ZC4H2: variants seen among roughly 807,000 people sequenced by gnomAD.
ZC4H2 encodes zinc finger C4H2-type containing.
For missense variants in ZC4H2, 137 were observed against 173.9 expected (o/e 0.79, Z 1.19); for synonymous variants, 84 against 66.3 (o/e 1.27, Z -1.30).
intron 4 of ZC4H2, chrX:64,918,723 A>G: frequency 5.3e-6 from 1 of 188,962 alleles, no homozygotes; most frequent in Non-Finnish European, 9.8e-6. Flanking sequence ...CCAGCTTTAT[A>G]ATCCTGCTGG....
Position 64,921,876 on chromosome X carries a change from G to A in ZC4H2, c.166C>T (p.Leu56=). The change falls in exon 2 of 5, where the codon CTA becomes TTA. Residue 56 remains leucine (L), a synonymous_variant. Coordinates refer to ENST00000374839, the MANE Select transcript of ZC4H2 (RefSeq NM_018684.4). ...TCCACATGGGCCATCTTCTCCTGTAGCAGAAGGTCCATCTCCTGCTTGTAT... is the reference window on the plus strand; with the variant it reads ...TCCACATGGGCCATCTTCTCCTGTAACAGAAGGTCCATCTCCTGCTTGTAT... ...KEYKQEMDLL[L]QEKMAHVEEL... The A allele has an allele frequency of 3.3e-6, 4 of 1,210,602 alleles. No individual in the cohort carries two copies. The highest frequency in any genetic ancestry group is 3.5e-5 in the South Asian group (2 of 56,825).
At chrX:64,981,624 T>C (rs1321700229) in intron 1 of ZC4H2, among the ~76,000 whole-genome samples, 1 of 110,850 alleles carries the variant, frequency 9.0e-6, no homozygotes, top group African/African-American at 3.3e-5. Flanking sequence ...CCGTACGATG[T>C]TAGAGCTAGA....
At chrX:65,016,891 A>C (rs778896075) in intron 1 of ZC4H2, among the ~76,000 whole-genome samples, 1 of 111,803 alleles carries the variant, frequency 8.9e-6, no homozygotes, top group East Asian at 2.8e-4. Context: ...ATCCCAGCAA[A>C]ATGGAAGGAG....
At chrX:64,999,049 T>A (rs1449499693) in intron 1 of ZC4H2, among the ~76,000 whole-genome samples, 1 of 95,641 alleles carries the variant, frequency 1.0e-5, no homozygotes, top group African/African-American at 3.8e-5. Context: ...GTTTTTTTTT[T>A]TTTTTTTTTT....
At chrX:64,995,416 G>A (rs924377896) in intron 1 of ZC4H2, among the ~76,000 whole-genome samples, 2 of 112,194 alleles carry the variant, frequency 1.8e-5, no homozygotes, top group African/African-American at 6.5e-5. Flanking sequence ...ACTCAGGCTG[G>A]AGTGCAGTCT....
At chrX:64,971,111 T>A (rs1039736871) in intron 1 of ZC4H2, among the ~76,000 whole-genome samples, 10 of 112,728 alleles carry the variant, frequency 8.9e-5, no homozygotes, top group African/African-American at 3.2e-4. Context: ...AAAGGTTTTT[T>A]AAAAATGCTA....
rs1928959432 is a variant in ZC4H2 at position 64,916,910 on chromosome X, C to A, written c.*873G>T. On this transcript the variant is annotated 3_prime_UTR_variant, in exon 5 of 5. Coordinates refer to ENST00000374839, the MANE Select transcript of ZC4H2 (RefSeq NM_018684.4). ...TACTCCTCTCCTCCCTGCAATATAC[C>A]ATTGAGCATGTGCCAGAGTAATGGT... 1.8e-5 allele frequency: 2 copies of A among 111,970 alleles called. No homozygotes were observed. Among genetic ancestry groups the A allele is most frequent in the Non-Finnish European group, 3.8e-5 (2 of 53,116 alleles). 9.2% of individuals were successfully genotyped at this position (111,970 alleles called of 1,213,427 possible). A position where few individuals can be genotyped will look rare whatever the true frequency, so the allele number is the denominator to read the frequency against.
intron 3 of ZC4H2, 178 bp downstream of exon 3, chrX:64,919,903 G>C (rs1929107434): frequency 2.5e-6 from 1 of 406,835 alleles, no homozygotes; most frequent in African/African-American, 2.5e-5. Flanking sequence ...CTGGCACAGA[G>C]ACTTGCCCAA....
chrX:64,944,440 A>G (rs760620856), intron 1 of ZC4H2, among the ~76,000 whole-genome samples: 2 of 111,272 alleles, frequency 1.8e-5, no homozygotes, highest in South Asian at 3.8e-4. Context: ...GTTTCTGCAG[A>G]GAGATCCACT....
At chrX:65,006,566 G>C (rs775579746) in intron 1 of ZC4H2, among the ~76,000 whole-genome samples, 5 of 105,425 alleles carry the variant, frequency 4.7e-5, no homozygotes, top group Non-Finnish European at 9.7e-5. Flanking sequence ...TCATGGGGTG[G>C]TGGGAGGGGG....
upstream of ZC4H2, among the ~76,000 whole-genome samples, chrX:64,979,520 C>T (rs1401525741): frequency 8.9e-6 from 1 of 112,396 alleles, no homozygotes; most frequent in African/African-American, 3.2e-5. Context: ...GAACAGATGT[C>T]TCACCTGTTC....
intron 1 of ZC4H2, among the ~76,000 whole-genome samples, chrX:64,954,357 TATA>T (rs1396637314): frequency 6.8e-5 from 4 of 59,004 alleles, no homozygotes; most frequent in Admixed American, 5.1e-4. Flanking sequence ...TATATATAAT[TATA>T]TATATATATA....
At chrX:65,015,362 G>A (rs911806447) in intron 1 of ZC4H2, among the ~76,000 whole-genome samples, 12 of 112,037 alleles carry the variant, frequency 1.1e-4, no homozygotes, top group African/African-American at 3.9e-4. Flanking sequence ...TAGGCATATT[G>A]AGAAATTCAA....
chrX:65,017,374 T>C (rs1423939199), intron 1 of ZC4H2, among the ~76,000 whole-genome samples: 1 of 112,499 alleles, frequency 8.9e-6, no homozygotes, highest in Non-Finnish European at 1.9e-5. Context: ...TCCAACCTGG[T>C]TCAATGAGTA....
Sources: gnomAD v4.1 joint callset for allele counts (sites outside exome capture counted in the v4.1 genomes callset) on GRCh38, gnomAD v4.1.1 for gene constraint, MANE v1.5 for transcripts, NCBI Gene and HGNC (gene_info 2026-07-23, HGNC 2026-07-21) for gene names.